The following PTPN20 variants were observed in gnomAD, a reference collection of about 807,000 sequenced individuals.
PTPN20 encodes the protein tyrosine-protein phosphatase non-receptor type 20.
Under a neutral mutation model 35.0 loss-of-function variants are expected in PTPN20, and 9 were observed. The ratio of observed to expected loss-of-function variants is 0.26; its 90% CI spans 0.15 to 0.45. PTPN20 has a LOEUF of 0.45. Ranked by LOEUF, PTPN20 falls within the 20% of genes least tolerant of loss-of-function variation. The probability of loss-of-function intolerance (pLI) is 1.00; values close to 1 mark genes in which losing one functional copy is unlikely to be tolerated. For missense variants in PTPN20, 111 were observed against 312.5 expected (o/e 0.36, Z 4.86); for synonymous variants, 32 against 100.2 (o/e 0.32, Z 4.06).
chr10:46,931,556 C>T (rs1365117501), intron 1 of PTPN20, among the ~76,000 whole-genome samples: 1 of 142,380 alleles, frequency 7.0e-6, no homozygotes, highest in Non-Finnish European at 1.5e-5. Flanking sequence ...CCACCACACC[C>T]GTCTAATTTT....
intron 2 of PTPN20, 78 bp downstream of exon 2, chr10:46,932,611 A>G: frequency 3.9e-6 from 6 of 1,551,446 alleles, no homozygotes; most frequent in South Asian, 2.2e-5. Context: ...AGATTTGCAT[A>G]GGGACCACCT....
chr10:46,986,448 TAGG>T (rs1321600418), intron 8 of PTPN20, among the ~76,000 whole-genome samples: 1 of 148,184 alleles, frequency 6.7e-6, no homozygotes, highest in East Asian at 2.0e-4. Context: ...GGGAGAAGCA[TAGG>T]AGAAGTGAGA....
rs2060083810 is a variant in PTPN20, at chr10:47,002,029, A to G, written c.*1288A>G. On this transcript the variant is annotated 3_prime_UTR_variant, in exon 11 of 11. Coordinates refer to ENST00000374339, the MANE Select transcript of PTPN20 (RefSeq NM_001042357.5). ...TAAATCTTGAATTTCTAAGAGGCTT[A>G]TTTTGTTCTTTTGGCTGAATGAGTA... is the stretch of plus-strand genomic sequence containing the variant. 1 of 152,072 alleles carries G rather than the reference A, an allele frequency of 6.6e-6. No individual in the cohort carries two copies. Among genetic ancestry groups the G allele is most frequent in the South Asian group, 2.1e-4 (1 of 4,824 alleles). 9.4% of individuals were successfully genotyped at this position (152,072 alleles called of 1,614,324 possible). A position where few individuals can be genotyped will look rare whatever the true frequency, so the allele number is the denominator to read the frequency against.
Position 46,996,902 on chromosome 10 carries a change from A to C in PTPN20, c.1135-3010A>C, listed in dbSNP as rs928098512. Among the ~76,000 whole-genome samples, 22 of 152,294 alleles carry C rather than the reference A, an allele frequency of 1.4e-4. No homozygotes were observed. In the South Asian group the frequency reaches 4.1e-3, roughly 29 times the overall value. On this transcript the variant is annotated intron_variant, in intron 9 of 10. Coordinates refer to ENST00000374339, the MANE Select transcript of PTPN20 (RefSeq NM_001042357.5). ...GTGATATAGTAAGCTTTAACATCAGATAGAATGATTCCTCCCACGTTATTC... is the reference window on the plus strand; with the variant it reads ...GTGATATAGTAAGCTTTAACATCAGCTAGAATGATTCCTCCCACGTTATTC...
chr10:46,951,196 T>C (rs1464322432), intron 5 of PTPN20, among the ~76,000 whole-genome samples: 2 of 152,134 alleles, frequency 1.3e-5, no homozygotes, highest in Non-Finnish European at 2.9e-5. Flanking sequence ...GGTTTCCCCA[T>C]GTTGGTCAGG....
intron 5 of PTPN20, among the ~76,000 whole-genome samples, chr10:46,947,273 G>A (rs1269933177): frequency 6.9e-5 from 10 of 145,976 alleles, no homozygotes; most frequent in Non-Finnish European, 1.1e-4. Flanking sequence ...GGGATCACAT[G>A]CACACCTCAA....
At chr10:46,928,187 G>A (rs1377885583) in intron 1 of PTPN20, among the ~76,000 whole-genome samples, 3 of 151,950 alleles carry the variant, frequency 2.0e-5, no homozygotes, top group African/African-American at 7.3e-5. Flanking sequence ...TAGGGTCTCA[G>A]TGCCTTTGGA....
intron 2 of PTPN20, among the ~76,000 whole-genome samples, chr10:46,937,822 C>A (rs1389868595): frequency 6.6e-6 from 1 of 151,488 alleles, no homozygotes; most frequent in African/African-American, 2.4e-5. Context: ...ATTGATTTGG[C>A]TGTGGGTTAT....
At chr10:46,988,387 A>T in intron 9 of PTPN20, among the ~76,000 whole-genome samples, 1 of 143,944 alleles carries the variant, frequency 6.9e-6, no homozygotes, top group East Asian at 2.7e-4. Flanking sequence ...TTGTGTTGTG[A>T]ACATCAAAAA....
intron 9 of PTPN20, among the ~76,000 whole-genome samples, chr10:46,992,233 A>G (rs2058111531): frequency 6.7e-6 from 1 of 149,498 alleles, no homozygotes; most frequent in Non-Finnish European, 1.5e-5. Flanking sequence ...AGCAATTTTC[A>G]TGCCTCAGCC....
chr10:46,926,352 CT>C (rs1192248259), intron 1 of PTPN20, among the ~76,000 whole-genome samples: 1 of 151,630 alleles, frequency 6.6e-6, no homozygotes, highest in African/African-American at 2.4e-5. Flanking sequence ...TAGCTTGTTA[CT>C]TTAAAAAAGC....
At chr10:46,922,717 G>GC in intron 1 of PTPN20, among the ~76,000 whole-genome samples, 1 of 140,894 alleles carries the variant, frequency 7.1e-6, no homozygotes, top group Non-Finnish European at 1.5e-5. Flanking sequence ...GTGACTCATG[G>GC]ATCCAGACAG....
intron 1 of PTPN20, among the ~76,000 whole-genome samples, chr10:46,927,556 AC>A (rs1423085068): frequency 1.3e-5 from 2 of 150,272 alleles, no homozygotes; most frequent in African/African-American, 4.9e-5. Flanking sequence ...GCCTTTTCAG[AC>A]CCCCCTTTCC....
chr10:46,925,694 G>C (rs1406608331), intron 1 of PTPN20, among the ~76,000 whole-genome samples: 3 of 150,722 alleles, frequency 2.0e-5, no homozygotes, highest in Non-Finnish European at 4.4e-5. Flanking sequence ...TTCATGGCAG[G>C]GCTTCTAAAA....
At chr10:46,939,090 G>A (rs2042634206) in intron 2 of PTPN20, among the ~76,000 whole-genome samples, 2 of 150,192 alleles carry the variant, frequency 1.3e-5, no homozygotes, top group South Asian at 4.2e-4. Flanking sequence ...TAGGTTTGCG[G>A]AATTTCCTAT....
Position 46,982,444 on chromosome 10 carries a change from G to A in PTPN20, c.584-1786G>A, listed in dbSNP as rs1246601638. Among the ~76,000 whole-genome samples, 401 of 151,758 alleles carry A rather than the reference G, an allele frequency of 2.6e-3. 1 individual carries two copies. Among genetic ancestry groups the A allele is most frequent in the African/African-American group, 9.4e-3 (390 of 41,422 alleles). ...ATTCCACAGTTTGCTTCTGAAATTC[G>A]TTTTTTACATTCCCCTTGTATGCGC... On this transcript the variant is annotated intron_variant, in intron 7 of 10. Coordinates refer to ENST00000374339, the MANE Select transcript of PTPN20 (RefSeq NM_001042357.5).
At chr10:46,923,156 C>T (rs1481854082) in intron 1 of PTPN20, among the ~76,000 whole-genome samples, 1 of 143,554 alleles carries the variant, frequency 7.0e-6, no homozygotes, top group Non-Finnish European at 1.5e-5. Context: ...ACAGTTGAAT[C>T]GTGCTGTCCA....
At chr10:46,953,471 A>G (rs1490292384) in intron 5 of PTPN20, among the ~76,000 whole-genome samples, 3 of 141,518 alleles carry the variant, frequency 2.1e-5, no homozygotes, top group South Asian at 4.4e-4. Flanking sequence ...AAGGGAGTGG[A>G]CATCCTTTCC....
intron 9 of PTPN20, among the ~76,000 whole-genome samples, chr10:46,991,382 A>ATT (rs2057934440): frequency 1.1e-5 from 1 of 94,462 alleles, no homozygotes; most frequent in Admixed American, 1.0e-4. Flanking sequence ...TTTTTAATCC[A>ATT]TTTTGCCATC....
Sources: allele counts gnomAD v4.1 joint callset (sites outside exome capture counted in the v4.1 genomes callset), GRCh38; gene constraint gnomAD v4.1.1; transcripts MANE v1.5; gene names NCBI Gene and HGNC (gene_info 2026-07-23, HGNC 2026-07-21).